PTGIS: variants seen among roughly 807,000 people sequenced by gnomAD.
PTGIS encodes the protein prostaglandin I2 synthase.
In PTGIS, 45 loss-of-function variants were observed where a neutral mutation model predicts 50.3. The observed-to-expected ratio is 0.90, with a 90% CI of 0.70 to 1.15. The LOEUF (loss-of-function observed/expected upper bound fraction) is 1.15, where lower values mean the gene tolerates loss of function less well. PTGIS is among the 50% of genes most tolerant of loss of function. The pLI is 0.00. For missense variants in PTGIS, 668 were observed against 661.3 expected (o/e 1.01, Z -0.11); for synonymous variants, 260 against 267.7 (o/e 0.97, Z 0.28).
At chr20:49,541,242 T>G (rs924422159) in intron 4 of PTGIS, among the ~76,000 whole-genome samples, 1 of 151,834 alleles carries the variant, frequency 6.6e-6, no homozygotes, top group African/African-American at 2.4e-5. Flanking sequence ...AGGAGCAGAG[T>G]TGCAGCCGCC....
chr20:49,550,559 T>C (rs1982480310), intron 1 of PTGIS, among the ~76,000 whole-genome samples: 1 of 152,196 alleles, frequency 6.6e-6, no homozygotes, highest in Non-Finnish European at 1.5e-5. Context: ...AGTTTACAAA[T>C]TGGCGACCAT....
Position 49,568,129 on chromosome 20 carries a change from G to GGGGCTGGCGGGGCTGGCT in PTGIS, c.-14_-13insAGCCAGCCCCGCCAGCCC. 2 of 1,155,416 alleles carry GGGGCTGGCGGGGCTGGCT rather than the reference G, an allele frequency of 1.7e-6. No homozygotes were observed. The highest frequency in any genetic ancestry group is 2.2e-6 in the Non-Finnish European group (2 of 891,154). The allele number at this position is 1,155,416 out of a possible 1,614,324, so 71.6% of individuals were successfully genotyped here. ...CGGCCCAAGCCATCGCGGGGCTGGC[G>GGGGCTGGCGGGGCTGGCT]GGGCTGGCGGGGCTGGCGGGGCTGG... On this transcript the variant is annotated 5_prime_UTR_variant, in exon 1 of 10. Coordinates refer to ENST00000244043, the MANE Select transcript of PTGIS (RefSeq NM_000961.4).
chr20:49,523,341 TAA>T (rs1491410392), intron 6 of PTGIS, among the ~76,000 whole-genome samples: 8 of 151,696 alleles, frequency 5.3e-5, no homozygotes, highest in African/African-American at 1.9e-4. Context: ...AAAGAGAGCA[TAA>T]GAGAGAGAGA....
rs534395606 is a variant in PTGIS at position 49,560,659 on chromosome 20, G to A, written c.74+7384C>T. 1.3e-5 allele frequency among the ~76,000 whole-genome samples: 2 copies of A among 152,352 alleles called. 1 individual carries two copies. Among genetic ancestry groups the A allele is most frequent in the Admixed American group, 1.3e-4 (2 of 15,304 alleles). On this transcript the variant is annotated intron_variant, in intron 1 of 9. Transcript: ENST00000244043. ...GAGCAAAGACCAGAAGGATGTGAAG[G>A]GAGTGCTCTGGGAGGGGCAGGGAGA...
Position 49,546,372 on chromosome 20 carries a change from C to T in PTGIS, c.377+1469G>A, listed in dbSNP as rs556124889. Among the ~76,000 whole-genome samples the T allele has an allele frequency of 4.5e-4, 68 of 152,338 alleles. No homozygotes were observed. In the South Asian group the frequency reaches 0.013, roughly 30 times the overall value. ...GTCAGGACCCAGGACACTCAGGCTC[C>T]AAGCAGCTGCCCCCAGGCCAAGGTT... On this transcript the variant is annotated intron_variant, in intron 3 of 9. Coordinates refer to ENST00000244043, the MANE Select transcript of PTGIS (RefSeq NM_000961.4).
chr20:49,547,813 C>G, intron 3 of PTGIS, 28 bp downstream of exon 3: 1 of 1,613,320 alleles, frequency 6.2e-7, no homozygotes. Flanking sequence ...CCCTGGCCCT[C>G]CCACAGGTGC....
Position 49,524,093 on chromosome 20 carries a change from C to T in PTGIS, c.820G>A (p.Ala274Thr). 1 of 1,614,224 alleles carries T rather than the reference C, an allele frequency of 6.2e-7. No homozygotes were observed. The highest frequency in any genetic ancestry group is 1.7e-5 in the Admixed American group (1 of 60,030). ...EEMGVSEEMQ[A>T]RALVLQLWAT... ...CACAGCTGCAGCACCAGGGCCCGTG[C>T]CTGCATCTCCTCTGACACACCCATC... Residue 274 changes from alanine to threonine, a missense_variant, in exon 6 of 10, where the codon GCA becomes ACA. Coordinates refer to ENST00000244043, the MANE Select transcript of PTGIS (RefSeq NM_000961.4).
chr20:49,509,686 C>T (rs1000722046), intron 9 of PTGIS, among the ~76,000 whole-genome samples: 19 of 152,062 alleles, frequency 1.2e-4, no homozygotes, highest in Non-Finnish European at 2.5e-4. Flanking sequence ...AACTAAGCAT[C>T]GATCTACAGC....
At position 49,506,691 on chromosome 20, in the gene PTGIS, A is replaced by T. The variant is rs1294883045; in HGVS notation, c.*1229T>A. The T allele has an allele frequency of 6.6e-6, 1 of 152,296 alleles. No homozygotes were observed. The highest frequency in any genetic ancestry group is 1.5e-5 in the Non-Finnish European group (1 of 68,092). 9.4% of individuals were successfully genotyped at this position (152,296 alleles called of 1,614,324 possible). On this transcript the variant is annotated 3_prime_UTR_variant, in exon 10 of 10. Transcript: ENST00000244043. ...GCAAAGGCAAATTTTCATCACTGAT[A>T]CATTTGTTCAAAGGGTGGTGCACTC... is the stretch of plus-strand genomic sequence containing the variant.
intron 1 of PTGIS, among the ~76,000 whole-genome samples, chr20:49,555,041 C>T (rs980257837): frequency 6.6e-5 from 10 of 152,118 alleles, no homozygotes; most frequent in East Asian, 1.9e-4. Context: ...GAAGCTGAAG[C>T]GGGTGGATCA....
chr20:49,544,511 C>A lies in PTGIS; in HGVS notation c.378-63G>T, dbSNP rs1982310980. On this transcript the variant is annotated intron_variant, in intron 3 of 9. Coordinates refer to ENST00000244043, the MANE Select transcript of PTGIS (RefSeq NM_000961.4). ...AAAGGGAAATACACACCTACAGGCA[C>A]CTCCCTCCCCAAACCTAAGGGTCCC... 3.1e-6 allele frequency: 5 copies of A among 1,592,648 alleles called. No individual in the cohort carries two copies. The Admixed American group carries it at 8.3e-5, about 27-fold the overall frequency.
intron 6 of PTGIS, 51 bp from the exon 7 acceptor site, chr20:49,514,446 G>A (rs748902413): frequency 6.9e-6 from 11 of 1,590,100 alleles, no homozygotes; most frequent in Admixed American, 1.7e-5. Context: ...GAGCTGACTC[G>A]TCTCTGCCAG....
chr20:49,513,231 G>A lies in PTGIS; in HGVS notation c.1055C>T (p.Thr352Ile). 1 of 1,613,902 alleles carries A rather than the reference G, an allele frequency of 6.2e-7. No homozygotes were observed. Among genetic ancestry groups the A allele is most frequent in the South Asian group, 1.1e-5 (1 of 91,080 alleles). ...CTCGCGGGTGATGAAGGGGGCAGCT[G>A]TAAGCCTGAGGCTCTCACTCAGCAC... ...DSVLSESLRL[T>I]AAPFITREVV... The change falls in exon 8 of 10, where the codon ACA (threonine) becomes ATA (isoleucine). Residue 352 changes from threonine to isoleucine, a missense_variant. Physicochemically the swap from Thr to Ile is moderately conservative, Grantham distance 89. Coordinates refer to ENST00000244043, the MANE Select transcript of PTGIS (RefSeq NM_000961.4).
chr20:49,552,587 A>G (rs1459652052), intron 1 of PTGIS, among the ~76,000 whole-genome samples: 8 of 150,750 alleles, frequency 5.3e-5, no homozygotes, highest in Non-Finnish European at 1.0e-4. Flanking sequence ...TTTTCACCCA[A>G]GAGTTGTTCC....
At chr20:49,528,455 T>C (rs954472021) in intron 5 of PTGIS, among the ~76,000 whole-genome samples, 6 of 151,760 alleles carry the variant, frequency 4.0e-5, no homozygotes, top group African/African-American at 7.3e-5. Context: ...CTAACAAAAA[T>C]ATAAAAATAC....
chr20:49,511,258 T>A, intron 8 of PTGIS, 79 bp from the exon 9 acceptor site: 1 of 1,537,416 alleles, frequency 6.5e-7, no homozygotes, highest in Middle Eastern at 1.8e-4. Context: ...AGGATGTTCA[T>A]GACAGTCATG....
chr20:49,511,574 C>T (rs962553443), intron 8 of PTGIS, among the ~76,000 whole-genome samples: 1 of 152,178 alleles, frequency 6.6e-6, no homozygotes, highest in Non-Finnish European at 1.5e-5. Flanking sequence ...ATATTTTTTA[C>T]ATTTAAGTAT....
chr20:49,509,788 CTTTT>C (rs992730299), intron 9 of PTGIS, among the ~76,000 whole-genome samples: 1 of 145,984 alleles, frequency 6.9e-6, no homozygotes, highest in Non-Finnish European at 1.5e-5. Flanking sequence ...CTCTCTCTCT[CTTTT>C]TTTTTTATTA....
intron 5 of PTGIS, among the ~76,000 whole-genome samples, chr20:49,535,713 G>A (rs548446714): frequency 2.4e-4 from 36 of 152,188 alleles, no homozygotes; most frequent in South Asian, 1.2e-3. Flanking sequence ...ATGGGGTTTC[G>A]CCATGTTGGC....
Sources: allele counts gnomAD v4.1 joint callset (sites outside exome capture counted in the v4.1 genomes callset), GRCh38; gene constraint gnomAD v4.1.1; transcripts MANE v1.5; gene names NCBI Gene and HGNC (gene_info 2026-07-23, HGNC 2026-07-21).